ARMH3: variants seen among roughly 807,000 people sequenced by gnomAD.
ARMH3 encodes armadillo like helical domain containing 3, also known as armadillo-like helical domain-containing protein 3.
In ARMH3, 60 loss-of-function variants were observed where a neutral mutation model predicts 99.1. The observed-to-expected ratio is 0.61, with a 90% CI of 0.49 to 0.75. The LOEUF (loss-of-function observed/expected upper bound fraction) is 0.75, where lower values mean the gene tolerates loss of function less well. Ranked by LOEUF, ARMH3 falls within the 30% of genes least tolerant of loss-of-function variation. The probability of loss-of-function intolerance (pLI) is 0.00; values close to 1 mark genes in which losing one functional copy is unlikely to be tolerated. For missense variants in ARMH3, 679 were observed against 843.1 expected (o/e 0.81, Z 2.41); for synonymous variants, 285 against 292.8 (o/e 0.97, Z 0.27).
intron 5 of ARMH3, among the ~76,000 whole-genome samples, chr10:102,028,871 T>C (rs1290933078): frequency 2.0e-5 from 3 of 152,176 alleles, no homozygotes; most frequent in Non-Finnish European, 4.4e-5. Flanking sequence ...TTGTACACTT[T>C]ATTTATTTTC....
intron 22 of ARMH3, among the ~76,000 whole-genome samples, chr10:101,953,329 C>T (rs1238655832): frequency 4.6e-5 from 7 of 152,064 alleles, no homozygotes; most frequent in African/African-American, 1.7e-4. Flanking sequence ...CAGGGTTTTG[C>T]CATGTTGGCT....
chr10:101,936,319 C>G (rs1287374532), intron 23 of ARMH3, among the ~76,000 whole-genome samples: 2 of 151,588 alleles, frequency 1.3e-5, no homozygotes, highest in African/African-American at 4.8e-5. Flanking sequence ...TGGTGAAACC[C>G]CATCTCTACT....
At chr10:101,969,292 C>T (rs1489245930) in intron 20 of ARMH3, among the ~76,000 whole-genome samples, 1 of 152,042 alleles carries the variant, frequency 6.6e-6, no homozygotes, top group African/African-American at 2.4e-5. Context: ...ATAATTACAT[C>T]AAAATTAAAA....
intron 20 of ARMH3, among the ~76,000 whole-genome samples, chr10:101,960,889 CA>C (rs36000408): frequency 0.34 from 25,010 of 74,550 alleles, 2,221 homozygotes; most frequent in Non-Finnish European, 0.39. Flanking sequence ...AACTCCGTCT[CA>C]AAAAAAAAAA....
At chr10:101,968,483 T>C (rs1845631644) in intron 20 of ARMH3, among the ~76,000 whole-genome samples, 1 of 152,166 alleles carries the variant, frequency 6.6e-6, no homozygotes, top group Admixed American at 6.5e-5. Flanking sequence ...ACATGTCCCT[T>C]TGAAACTAAT....
chr10:101,880,694 C>G (rs373691741), intron 24 of ARMH3, among the ~76,000 whole-genome samples: 2 of 152,092 alleles, frequency 1.3e-5, no homozygotes, highest in African/African-American at 4.8e-5. Flanking sequence ...ACTAGTACGC[C>G]AAGGACCAAC....
intron 1 of ARMH3, among the ~76,000 whole-genome samples, chr10:102,045,179 G>A (rs1304789266): frequency 6.6e-6 from 1 of 151,566 alleles, no homozygotes; most frequent in Non-Finnish European, 1.5e-5. Context: ...AGTTTAGGGG[G>A]AAAAATATGT....
chr10:101,906,881 A>G (rs1842654963), intron 23 of ARMH3, among the ~76,000 whole-genome samples: 1 of 152,212 alleles, frequency 6.6e-6, no homozygotes, highest in Non-Finnish European at 1.5e-5. Context: ...AGTTAAGGGC[A>G]AAATAAACAG....
intron 14 of ARMH3, among the ~76,000 whole-genome samples, chr10:102,006,182 C>T (rs966708254): frequency 7.9e-5 from 12 of 152,194 alleles, no homozygotes; most frequent in African/African-American, 2.9e-4. Flanking sequence ...CATTTCAGTG[C>T]TTTATAATCA....
At chr10:102,007,656 T>TTA (rs1231090430) in intron 13 of ARMH3, among the ~76,000 whole-genome samples, 1 of 54,960 alleles carries the variant, frequency 1.8e-5, no homozygotes, top group African/African-American at 7.5e-5. Flanking sequence ...CTGTCTCTAC[T>TTA]AAAAAAAAAA....
At chr10:101,867,676 T>TA (rs1368359231) in intron 24 of ARMH3, among the ~76,000 whole-genome samples, 1 of 148,888 alleles carries the variant, frequency 6.7e-6, no homozygotes, top group East Asian at 2.0e-4. Context: ...CTACAAAAAA[T>TA]AAAAAATTAG....
chr10:101,895,493 A>G (rs1434473689), intron 23 of ARMH3, among the ~76,000 whole-genome samples: 1 of 152,008 alleles, frequency 6.6e-6, no homozygotes, highest in Non-Finnish European at 1.5e-5. Flanking sequence ...GTTAGCCAGG[A>G]TAGTCTCAAT....
At chr10:102,024,679 C>T (rs982929327) in intron 6 of ARMH3, among the ~76,000 whole-genome samples, 2 of 151,276 alleles carry the variant, frequency 1.3e-5, no homozygotes, top group African/African-American at 2.4e-5. Context: ...ATTATCTGGG[C>T]ATGGTGGCAC....
chr10:102,038,240 G>A (rs937300072), intron 2 of ARMH3, among the ~76,000 whole-genome samples: 4 of 151,102 alleles, frequency 2.6e-5, no homozygotes, highest in South Asian at 2.1e-4. Context: ...GACTACAGGC[G>A]CCCACCACCA....
At chr10:101,919,914 AT>A (rs1445045687) in intron 23 of ARMH3, among the ~76,000 whole-genome samples, 3 of 152,122 alleles carry the variant, frequency 2.0e-5, no homozygotes, top group African/African-American at 7.2e-5. Flanking sequence ...TCCGCCTGGC[AT>A]TTTTGTTCAG....
intron 20 of ARMH3, among the ~76,000 whole-genome samples, chr10:101,962,871 CA>C (rs1186593289): frequency 5.9e-5 from 9 of 152,052 alleles, no homozygotes; most frequent in African/African-American, 1.4e-4. Context: ...TATTTGCCAC[CA>C]AAAACCATAC....
At chr10:101,851,941 A>G (rs922016676) in intron 24 of ARMH3, among the ~76,000 whole-genome samples, 3 of 152,216 alleles carry the variant, frequency 2.0e-5, no homozygotes, top group Non-Finnish European at 4.4e-5. Context: ...TGGTCCTCTC[A>G]TGCACGTGGG....
intron 2 of ARMH3, among the ~76,000 whole-genome samples, chr10:102,039,167 T>G (rs1433804126): frequency 1.3e-5 from 2 of 151,858 alleles, no homozygotes; most frequent in Non-Finnish European, 2.9e-5. Flanking sequence ...TTTTTTGAGA[T>G]AGGGTCTTAC....
chr10:101,920,270 A>C (rs1843253996), intron 23 of ARMH3, among the ~76,000 whole-genome samples: 1 of 152,204 alleles, frequency 6.6e-6, no homozygotes, highest in East Asian at 1.9e-4. Flanking sequence ...TGAGTTGACA[A>C]GTTGGGAAAG....
Sources: allele counts gnomAD v4.1 joint callset (sites outside exome capture counted in the v4.1 genomes callset), GRCh38; gene constraint gnomAD v4.1.1; transcripts MANE v1.5; gene names NCBI Gene and HGNC (gene_info 2026-07-23, HGNC 2026-07-21).